The following ZNRF3 variants were observed in gnomAD, a reference collection of about 807,000 sequenced individuals.
ZNRF3 encodes E3 ubiquitin-protein ligase ZNRF3.
Under a neutral mutation model 72.5 loss-of-function variants are expected in ZNRF3, and 23 were observed. The ratio of observed to expected loss-of-function variants is 0.32; its 90% CI spans 0.23 to 0.45. The LOEUF (loss-of-function observed/expected upper bound fraction) is 0.45. ZNRF3 is among the 20% of genes least tolerant of loss of function. The probability of loss-of-function intolerance (pLI) is 1.00; values close to 1 mark genes in which losing one functional copy is unlikely to be tolerated. For synonymous variants in ZNRF3, 610 were observed against 545.3 expected, an observed-to-expected ratio of 1.12 and a Z score of -1.65; for missense variants, 1,169 against 1,272.1, an observed-to-expected ratio of 0.92 and a Z score of 1.23.
At chr22:29,006,144 A>G (rs567270956) in intron 2 of ZNRF3, among the ~76,000 whole-genome samples, 5 of 151,618 alleles carry the variant, frequency 3.3e-5, no homozygotes, top group Non-Finnish European at 7.4e-5. Context: ...ATTGCACTAT[A>G]TAGAGCCTGT....
chr22:28,984,863 C>A (rs1367493035), intron 1 of ZNRF3, among the ~76,000 whole-genome samples: 1 of 152,240 alleles, frequency 6.6e-6, no homozygotes, highest in African/African-American at 2.4e-5. Context: ...ACCCATGGCA[C>A]CGCAGAACCT....
intron 2 of ZNRF3, among the ~76,000 whole-genome samples, chr22:29,020,015 C>A (rs965186796): frequency 1.3e-5 from 2 of 152,016 alleles, no homozygotes; most frequent in Non-Finnish European, 2.9e-5. Context: ...ACCTCCCCCC[C>A]AATCCCCCCA....
chr22:29,049,373 A>C lies in ZNRF3; in HGVS notation c.1192A>C (p.Thr398Pro). 2 of 1,613,146 alleles carry C rather than the reference A, an allele frequency of 1.2e-6. No homozygotes were observed. Among genetic ancestry groups the C allele is most frequent in the African/African-American group, 2.7e-5 (2 of 75,012 alleles). Residue 398 changes from threonine to proline, a missense_variant, in exon 8 of 9, where the codon ACC (threonine) becomes CCC (proline). Thr to Pro is a conservative substitution (Grantham distance 38). Transcript: ENST00000544604. The surrounding 1 kb of genome is among the most constrained non-coding windows in gnomAD (Gnocchi z 5.2). ...DSHGNPVTLL[T>P]MDRHGEQSLY... ...CCACGGCAACCCCGTCACCTTGCTG[A>C]CCATGGACCGGCACGGGGAGCAGAG...
intron 1 of ZNRF3, among the ~76,000 whole-genome samples, chr22:28,905,339 T>C (rs2034186136): frequency 1.3e-5 from 2 of 152,148 alleles, no homozygotes; most frequent in African/African-American, 2.4e-5. Flanking sequence ...CAGTGTATGT[T>C]TTGCAGATAC....
chr22:29,051,880 CAAAAAA>C (rs758308347), intron 8 of ZNRF3, among the ~76,000 whole-genome samples: 2 of 83,622 alleles, frequency 2.4e-5, no homozygotes, highest in African/African-American at 8.8e-5. Flanking sequence ...GACTCCATCT[CAAAAAA>C]AAAAAAAAAA....
chr22:29,039,877 C>T (rs974332494), intron 2 of ZNRF3, among the ~76,000 whole-genome samples: 24 of 151,694 alleles, frequency 1.6e-4, no homozygotes, highest in African/African-American at 2.4e-4. Flanking sequence ...GAGGATCATT[C>T]GAGGCCAGGA....
rs1182385859 is a variant in ZNRF3 at position 29,053,683 on chromosome 22, T to G, written c.*61T>G. 17 of 1,523,100 alleles carry G rather than the reference T, an allele frequency of 1.1e-5. No individual in the cohort carries two copies. The East Asian group carries it at 3.7e-4, about 33-fold the overall frequency. The allele number at this position is 1,523,100 out of a possible 1,614,324, so 94.3% of individuals were successfully genotyped here. A position where few individuals can be genotyped will look rare whatever the true frequency, so the allele number is the denominator to read the frequency against. On this transcript the variant is annotated 3_prime_UTR_variant, in exon 9 of 9. Transcript: ENST00000544604. ...GTATGGAGACTCCAAACTGACTTCT[T>G]TCAAAAAACAAAAACAAAAAATTTT...
Position 28,977,257 on chromosome 22 carries a change from A to G in ZNRF3, c.301-9819A>G, listed in dbSNP as rs376292853. ...TCTCTGTGAAACAGCAGCAACAGCCAGCAGCTTTTTGGTGTCTGGGGTAGT... is the reference window on the plus strand; with the variant it reads ...TCTCTGTGAAACAGCAGCAACAGCCGGCAGCTTTTTGGTGTCTGGGGTAGT... On this transcript the variant is annotated intron_variant, in intron 1 of 8. Coordinates refer to ENST00000544604, the MANE Select transcript of ZNRF3 (RefSeq NM_001206998.2). Among the ~76,000 whole-genome samples, 603 of 152,338 alleles carry G rather than the reference A, an allele frequency of 4.0e-3. 3 individuals carry two copies. Among genetic ancestry groups the G allele is most frequent in the African/African-American group, 0.014 (565 of 41,588 alleles).
intron 2 of ZNRF3, among the ~76,000 whole-genome samples, chr22:29,008,870 C>T (rs2123851088): frequency 6.6e-6 from 1 of 152,336 alleles, no homozygotes; most frequent in Admixed American, 6.5e-5. Context: ...TAGCCAATTA[C>T]TCTTTTTTGT....
At chr22:28,967,558 G>C (rs568448602) in intron 1 of ZNRF3, among the ~76,000 whole-genome samples, 49 of 152,300 alleles carry the variant, frequency 3.2e-4, no homozygotes, top group African/African-American at 1.2e-3. Flanking sequence ...TTCTCTGTTA[G>C]TTTTGGAAAC....
At chr22:28,986,138 C>G (rs955706986) in intron 1 of ZNRF3, among the ~76,000 whole-genome samples, 1 of 152,220 alleles carries the variant, frequency 6.6e-6, no homozygotes, top group Non-Finnish European at 1.5e-5. Context: ...TGCAAAGTCT[C>G]TTGCTGTGTA....
At chr22:29,002,924 C>A (rs2036175083) in intron 2 of ZNRF3, among the ~76,000 whole-genome samples, 1 of 152,142 alleles carries the variant, frequency 6.6e-6, no homozygotes, top group Non-Finnish European at 1.5e-5. Context: ...AGACCAGAGA[C>A]CATTTCCCAT....
intron 2 of ZNRF3, among the ~76,000 whole-genome samples, chr22:29,017,405 G>A (rs2036456929): frequency 1.3e-5 from 2 of 152,162 alleles, no homozygotes; most frequent in Non-Finnish European, 2.9e-5. Flanking sequence ...CTTAAGTGTG[G>A]CCCCTGTGGA....
At chr22:28,960,714 C>T (rs764192580) in intron 1 of ZNRF3, among the ~76,000 whole-genome samples, 22 of 152,268 alleles carry the variant, frequency 1.4e-4, no homozygotes, top group Non-Finnish European at 2.8e-4. Context: ...TTTCCAGTTC[C>T]GAGTGGGGAG....
intron 2 of ZNRF3, among the ~76,000 whole-genome samples, chr22:29,014,553 G>T (rs186642923): frequency 6.6e-5 from 10 of 152,328 alleles, no homozygotes; most frequent in African/African-American, 2.2e-4. Context: ...GCACTTAAAG[G>T]TAGCCTGGAT....
chr22:28,891,412 T>G (rs1177959111), intron 1 of ZNRF3, among the ~76,000 whole-genome samples: 1 of 152,246 alleles, frequency 6.6e-6, no homozygotes, highest in Non-Finnish European at 1.5e-5. Context: ...GTTGCTTTTC[T>G]TCTCTAATTA....
Position 28,949,460 on chromosome 22 carries a change from A to G in ZNRF3, c.301-37616A>G, listed in dbSNP as rs1555972672. 2.0e-5 allele frequency among the ~76,000 whole-genome samples: 3 copies of G among 149,598 alleles called. No individual in the cohort carries two copies. In the South Asian group the frequency reaches 6.4e-4, roughly 32 times the overall value. On this transcript the variant is annotated intron_variant, in intron 1 of 8. Coordinates refer to ENST00000544604, the MANE Select transcript of ZNRF3 (RefSeq NM_001206998.2). ...AGCTATATTTTTTTATTTTTTTTTT[A>G]TACTGATGGGGTTTCACCATGTTGC...
Position 29,048,838 on chromosome 22 carries a change from G to A in ZNRF3, c.1015+347G>A, listed in dbSNP as rs1015772861. Reference sequence around the variant, plus strand: ...GGGTGTTCCTAGGACCACGAGAGACGATGAGTGTGCAGAGGCCAGCTTGGG... The same window carrying A: ...GGGTGTTCCTAGGACCACGAGAGACAATGAGTGTGCAGAGGCCAGCTTGGG... On this transcript the variant is annotated intron_variant, in intron 7 of 8. Coordinates refer to ENST00000544604, the MANE Select transcript of ZNRF3 (RefSeq NM_001206998.2). This position sits in a 1 kb window ranked among gnomAD's most constrained non-coding sequence, Gnocchi z 4.9. Among the ~76,000 whole-genome samples, 4 of 152,212 alleles carry A rather than the reference G, an allele frequency of 2.6e-5. No homozygotes were observed. Among genetic ancestry groups the A allele is most frequent in the South Asian group, 2.1e-4 (1 of 4,824 alleles).
intron 1 of ZNRF3, among the ~76,000 whole-genome samples, chr22:28,961,164 A>G (rs927706204): frequency 2.6e-5 from 4 of 152,120 alleles, no homozygotes; most frequent in African/African-American, 9.6e-5. Context: ...AAAAGGGTCA[A>G]CTCTTCTTCA....
Sources: gnomAD v4.1 joint callset for allele counts (sites outside exome capture counted in the v4.1 genomes callset) on GRCh38, gnomAD v4.1.1 for gene constraint, Gnocchi (gnomAD v3.1) non-coding constraint, MANE v1.5 for transcripts, NCBI Gene and HGNC (gene_info 2026-07-23, HGNC 2026-07-21) for gene names.